Variants in FAS observed in about 807,000 individuals in gnomAD.
The protein encoded by FAS is tumor necrosis factor receptor superfamily member 6.
Under a neutral mutation model 33.2 loss-of-function variants are expected in FAS, and 5 were observed. The ratio of observed to expected loss-of-function variants is 0.15; its 90% confidence interval spans 0.08 to 0.32. FAS has a LOEUF of 0.32. Among genes scored for constraint, FAS ranks in the 10% least tolerant of loss-of-function variants. FAS has a pLI of 1.00. For synonymous variants in FAS, 131 were observed against 130.7 expected, an observed-to-expected ratio of 1.00 and a Z score of -0.01; for missense variants, 339 against 386.0, an observed-to-expected ratio of 0.88 and a Z score of 1.02.
upstream of FAS, among the ~76,000 whole-genome samples, chr10:88,988,479 T>C (rs1846987062): frequency 6.6e-6 from 1 of 151,680 alleles, no homozygotes; most frequent in Non-Finnish European, 1.5e-5. Flanking sequence ...ATAGTCAAGA[T>C]TCTTGTTTAA....
At chr10:88,971,682 C>A (rs958693839) in intron 1 of FAS, among the ~76,000 whole-genome samples, 9 of 152,098 alleles carry the variant, frequency 5.9e-5, no homozygotes, top group African/African-American at 2.2e-4. Flanking sequence ...TAATAGGACA[C>A]GTGTAAGACT....
chr10:88,986,365 G>A (rs538044856), upstream of FAS, among the ~76,000 whole-genome samples: 3 of 152,338 alleles, frequency 2.0e-5, no homozygotes, highest in South Asian at 6.2e-4. Flanking sequence ...ATTGGATTAA[G>A]AAGCCAGGGC....
chr10:88,993,388 G>C (rs12359362), intron 1 of FAS, among the ~76,000 whole-genome samples: 50,005 of 151,768 alleles, frequency 0.33, 8,878 homozygotes, highest in East Asian at 0.52. Context: ...GCTCAGAAAT[G>C]CCAGCTTGCT....
At chr10:88,996,764 A>G (rs993432516) in intron 1 of FAS, among the ~76,000 whole-genome samples, 1 of 152,104 alleles carries the variant, frequency 6.6e-6, no homozygotes, top group Admixed American at 6.5e-5. Flanking sequence ...TAATTTTTTT[A>G]TTTGTCGAAT....
At chr10:88,996,389 T>G (rs6586167) in intron 1 of FAS, among the ~76,000 whole-genome samples, 86,946 of 151,514 alleles carry the variant, frequency 0.57, 26,295 homozygotes, top group African/African-American at 0.78. Context: ...AATCTAAAAG[T>G]TTTGAATCCA....
At position 89,015,854 on chromosome 10, in the gene FAS, TA is replaced by T. The variant is rs1848785323; in HGVS notation, c.*1407del. 1 of 408,570 alleles carries T rather than the reference TA, an allele frequency of 2.4e-6. No homozygotes were observed. Among genetic ancestry groups the T allele is most frequent in the Non-Finnish European group, 4.6e-6 (1 of 217,024 alleles). The allele number at this position is 408,570 out of a possible 1,614,324, so 25.3% of individuals were successfully genotyped here. A position where few individuals can be genotyped will look rare whatever the true frequency, so the allele number is the denominator to read the frequency against. ...TGTCTTCCTTTTCTCTAACTGATGC[TA>T]AATATAACTTGTCTTTAATGCTTCT... On this transcript the variant is annotated 3_prime_UTR_variant, in exon 9 of 9. Transcript: ENST00000652046.
chr10:89,007,766 G>C lies in FAS; in HGVS notation c.263G>C (p.Gly88Ala). The change falls in exon 3 of 9, where the codon GGG (glycine) becomes GCG (alanine). Residue 88 changes from glycine (G) to alanine (A), a missense_variant. This residue lies in a region of FAS where 276 missense variants were observed against 300.1 expected (regional missense o/e 0.92). Coordinates refer to ENST00000652046, the MANE Select transcript of FAS (RefSeq NM_000043.6). ...DEPDCVPCQE[G>A]KEYTDKAHFS... ...CCAGACTGCGTGCCCTGCCAAGAAG[G>C]GAAGGAGTACACAGACAAAGCCCAT... 1 of 1,614,090 alleles carries C rather than the reference G, an allele frequency of 6.2e-7. No individual in the cohort carries two copies. The highest frequency in any genetic ancestry group is 8.5e-7 in the Non-Finnish European group (1 of 1,179,970).
chr10:89,014,754 G>T lies in FAS; in HGVS notation c.*304G>T. 1.7e-6 allele frequency: 1 copy of T among 579,586 alleles called. No individual in the cohort carries two copies. The highest frequency in any genetic ancestry group is 1.5e-5 in the South Asian group (1 of 65,608). 35.9% of individuals were successfully genotyped at this position (579,586 alleles called of 1,614,324 possible). ...GCTCTGGCATCTAACATATGATTCT[G>T]TAGTATGAATGTAATCAGTGTATGT... On this transcript the variant is annotated 3_prime_UTR_variant, in exon 9 of 9. Transcript: ENST00000652046.
upstream of FAS, chr10:88,989,655 C>T (rs1056238637): frequency 8.7e-5 from 42 of 483,124 alleles, no homozygotes; most frequent in Admixed American, 7.5e-4. Flanking sequence ...GATTTGAGGG[C>T]CCAAACAGGC....
intron 1 of FAS, among the ~76,000 whole-genome samples, chr10:89,001,763 A>C (rs1847944186): frequency 6.6e-6 from 1 of 152,320 alleles, no homozygotes; most frequent in African/African-American, 2.4e-5. Flanking sequence ...AACAAATTTC[A>C]TGTGTCCCTG....
chr10:88,999,120 C>T (rs1205937767), intron 1 of FAS, among the ~76,000 whole-genome samples: 1 of 150,310 alleles, frequency 6.7e-6, no homozygotes, highest in South Asian at 2.1e-4. Flanking sequence ...GCCACTGCAC[C>T]TCCAGCCTGG....
In FAS at chr10:89,008,077, A is replaced by T. The variant is rs193283551; in HGVS notation, c.334+240A>T. ...GAATGAGTAAATATGAACCCTAGGAACAGGGTTCATCAGCTCAAATCAAAA... is the reference window on the plus strand; with the variant it reads ...GAATGAGTAAATATGAACCCTAGGATCAGGGTTCATCAGCTCAAATCAAAA... On this transcript the variant is annotated intron_variant, in intron 3 of 8. Coordinates refer to ENST00000652046, the MANE Select transcript of FAS (RefSeq NM_000043.6). 1.4e-4 allele frequency among the ~76,000 whole-genome samples: 22 copies of T among 152,290 alleles called. No individual in the cohort carries two copies. In the East Asian group the frequency reaches 4.1e-3, roughly 28 times the overall value.
rs1316997144 is a variant in FAS, at chr10:89,014,969, G to A, written c.*519G>A. The stretch of plus-strand genomic sequence containing the variant: ...TCTGAGAAGATCATATTTATGTAAA[G>A]TATATGTATTTGAGTGCAGAATTTA... On this transcript the variant is annotated 3_prime_UTR_variant, in exon 9 of 9. Transcript: ENST00000652046. 5.6e-6 allele frequency: 3 copies of A among 534,056 alleles called. No homozygotes were observed. The highest frequency in any genetic ancestry group is 1.5e-5 in the South Asian group (1 of 65,132). The allele number at this position is 534,056 out of a possible 1,614,324, so 33.1% of individuals were successfully genotyped here. A position where few individuals can be genotyped will look rare whatever the true frequency, so the allele number is the denominator to read the frequency against.
At chr10:89,001,912 C>G (rs1186348260) in intron 1 of FAS, among the ~76,000 whole-genome samples, 1 of 152,182 alleles carries the variant, frequency 6.6e-6, no homozygotes, top group African/African-American at 2.4e-5. Context: ...CTGAGAAATT[C>G]AGTGCCCAAA....
At chr10:89,006,798 A>C (rs1480806608) in intron 2 of FAS, among the ~76,000 whole-genome samples, 2 of 152,236 alleles carry the variant, frequency 1.3e-5, no homozygotes, top group Non-Finnish European at 2.9e-5. Context: ...CTCAATAGGC[A>C]TTTAATAAAC....
rs552103178 is a variant in FAS, at chr10:89,008,300, T to C, written c.334+463T>C. ...ACCTGAATTTTCATGGATATCTCAATGTATTCTAAGGACCCAGATTGAAGT... is the reference window on the plus strand; with the variant it reads ...ACCTGAATTTTCATGGATATCTCAACGTATTCTAAGGACCCAGATTGAAGT... On this transcript the variant is annotated intron_variant, in intron 3 of 8. Coordinates refer to ENST00000652046, the MANE Select transcript of FAS (RefSeq NM_000043.6). Among the ~76,000 whole-genome samples the C allele has an allele frequency of 2.0e-5, 3 of 152,302 alleles. No homozygotes were observed. The South Asian group carries it at 6.2e-4, about 32-fold the overall frequency.
intron 2 of FAS, chr10:88,974,473 C>T (rs945277988): frequency 1.3e-5 from 2 of 152,150 alleles, no homozygotes; most frequent in African/African-American, 4.8e-5. Context: ...TGTTGGTGGT[C>T]TTTTAAAAAA....
At chr10:88,968,878 T>C (rs1846370850) in intron 1 of FAS, among the ~76,000 whole-genome samples, 1 of 152,190 alleles carries the variant, frequency 6.6e-6, no homozygotes, top group South Asian at 2.1e-4. Flanking sequence ...GGAAAGTAGA[T>C]GTGGAGGATC....
chr10:88,983,628 AAAAAAAAAAAACAC>A (rs1846772958), upstream of FAS, among the ~76,000 whole-genome samples: 1 of 147,780 alleles, frequency 6.8e-6, no homozygotes, highest in African/African-American at 2.5e-5. Context: ...AAAAAAAAAA[AAAAAAAAAAAACAC>A]ACACACACAC....
Sources: gnomAD v4.1 joint callset for allele counts (sites outside exome capture counted in the v4.1 genomes callset) on GRCh38, gnomAD v4.1.1 for gene constraint, gnomAD v4.1.1 regional missense constraint, MANE v1.5 for transcripts, NCBI Gene and HGNC (gene_info 2026-07-23, HGNC 2026-07-21) for gene names.